ATM: variants seen among roughly 807,000 people sequenced by gnomAD.
The protein encoded by ATM is ATM serine/threonine kinase, also known as serine-protein kinase ATM.
In ATM, 308 loss-of-function variants were observed where a neutral mutation model predicts 387.0. The ratio of observed to expected loss-of-function variants is 0.80; its 90% CI spans 0.73 to 0.87. ATM has a LOEUF of 0.87. ATM is among the 40% of genes least tolerant of loss of function. The pLI, the probability that ATM is intolerant of heterozygous loss-of-function variation, is 0.00. For missense variants in ATM, 3,312 were observed against 3,560.9 expected (o/e 0.93, Z 1.78); for synonymous variants, 1,156 against 1,187.3 (o/e 0.97, Z 0.54).
At chr11:108,329,695 G>A (rs2086057512) in intron 49 of ATM, among the ~76,000 whole-genome samples, 1 of 152,218 alleles carries the variant, frequency 6.6e-6, no homozygotes, top group African/African-American at 2.4e-5. Context: ...ACAGGTGTGA[G>A]GCACTGTGCC....
At chr11:108,321,232 A>T in intron 44 of ATM, 69 bp from the exon 45 acceptor site, 1 of 1,598,868 alleles carries the variant, frequency 6.3e-7, no homozygotes, top group Non-Finnish European at 8.6e-7. Context: ...TTTAACAACA[A>T]ATTTAAACAT....
At chr11:108,287,030 G>A (rs2082528458) in intron 26 of ATM, 1 of 152,384 alleles carries the variant, frequency 6.6e-6, no homozygotes, top group Non-Finnish European at 1.5e-5. Flanking sequence ...TTAATGAAAA[G>A]TCCAAATCTG....
At chr11:108,324,374 A>G (rs1471603035) in intron 45 of ATM, among the ~76,000 whole-genome samples, 1 of 152,116 alleles carries the variant, frequency 6.6e-6, no homozygotes, top group Non-Finnish European at 1.5e-5. Flanking sequence ...TATTTATGAT[A>G]TATAGTAGAT....
At position 108,297,376 on chromosome 11, in the gene ATM, G is replaced by C. The variant is rs780137734; in HGVS notation, c.4999G>C (p.Val1667Leu). Residue 1667 changes from valine (V) to leucine (L), a missense_variant, in exon 33 of 63, where the codon GTT (valine) becomes CTT (leucine). Around this residue, in one of 4 missense-constraint regions of ATM, gnomAD observed 1,405 missense variants for 1,604.4 expected, o/e 0.88. Transcript: ENST00000675843. ...AATAAACCACACTGGTGAAAAAGAA[G>C]TTCTAGGTAAACTACAGTCATGCGC... is the stretch of plus-strand genomic sequence containing the variant. ...MAINHTGEKEVLEAVGSCLGE... is the reference protein window; with the variant it reads ...MAINHTGEKELLEAVGSCLGE... 6.2e-7 allele frequency: 1 copy of C among 1,613,414 alleles called. No individual in the cohort carries two copies. The highest frequency in any genetic ancestry group is 8.5e-7 in the Non-Finnish European group (1 of 1,179,446).
chr11:108,306,668 G>A (rs1465361772), intron 37 of ATM, among the ~76,000 whole-genome samples: 1 of 152,064 alleles, frequency 6.6e-6, no homozygotes, highest in Non-Finnish European at 1.5e-5. Flanking sequence ...ATAAAATTCT[G>A]TTATTGAAAA....
rs556778314 is a variant in ATM, at chr11:108,326,225, G to A, written c.6975G>A (p.Ala2325=). 3.6e-5 allele frequency: 58 copies of A among 1,613,700 alleles called. No homozygotes were observed. Among genetic ancestry groups the A allele is most frequent in the Admixed American group, 1.5e-4 (9 of 59,976 alleles). Residue 2325 remains alanine (A), a splice_region_variant and synonymous_variant, in exon 47 of 63, where the codon GCG becomes GCA. Coordinates refer to ENST00000675843, the MANE Select transcript of ATM (RefSeq NM_000051.4). ...AGAAGTTGGATGCCAGCTGTGCAGC[G>A]GTTTGTTTTTTTTATTGGCTGGATT... is the stretch of plus-strand genomic sequence containing the variant. The part of the protein sequence containing the change: ...MIKKLDASCA[A]NNPSLKLTYT...
chr11:108,225,832 A>G (rs2078710385), intron 1 of ATM: 1 of 152,134 alleles, frequency 6.6e-6, no homozygotes, highest in Non-Finnish European at 1.5e-5. Context: ...TTTGTAAGAG[A>G]CATTCCTTCC....
chr11:108,296,878 A>G (rs962898632), intron 32 of ATM: 9 of 258,056 alleles, frequency 3.5e-5, no homozygotes, highest in Admixed American at 2.6e-4. Flanking sequence ...AGTGTAGATT[A>G]TAGACATTTC....
In ATM at chr11:108,235,701, A is replaced by C. The variant is rs774555120; in HGVS notation, c.363A>C (p.Leu121Phe). Residue 121 changes from leucine (L) to phenylalanine (F), a missense_variant, in exon 5 of 63, where the codon TTA (leucine) becomes TTC (phenylalanine). Around this residue, in one of 4 missense-constraint regions of ATM, gnomAD observed 1,791 missense variants for 1,804.5 expected, o/e 0.99. Coordinates refer to ENST00000675843, the MANE Select transcript of ATM (RefSeq NM_000051.4). The part of the protein sequence containing the change: ...RAPRLKCQEL[L>F]NYIMDTVKDS... ...CTAGGCTAAAATGTCAAGAACTCTT[A>C]AATTATATCATGGATACAGTGAAAG... 2 of 1,611,846 alleles carry C rather than the reference A, an allele frequency of 1.2e-6. No homozygotes were observed. The highest frequency in any genetic ancestry group is 1.7e-6 in the Non-Finnish European group (2 of 1,178,274).
intron 38 of ATM, among the ~76,000 whole-genome samples, chr11:108,309,374 G>C (rs945386694): frequency 3.3e-5 from 5 of 152,296 alleles, no homozygotes; most frequent in Middle Eastern, 3.4e-3. Flanking sequence ...AGTAGGGTGT[G>C]CCTTATTCAT....
chr11:108,298,994 T>C (rs2083269110), intron 33 of ATM, among the ~76,000 whole-genome samples: 1 of 152,192 alleles, frequency 6.6e-6, no homozygotes, highest in Admixed American at 6.5e-5. Context: ...GTGAAAAACT[T>C]ATATACATTC....
intron 5 of ATM, 43 bp downstream of exon 5, chr11:108,235,877 A>G (rs1160514985): frequency 3.1e-6 from 5 of 1,605,510 alleles, no homozygotes; most frequent in East Asian, 4.5e-5. Flanking sequence ...TCCTCATGAA[A>G]TGAAACTTCA....
At chr11:108,311,804 T>TA (rs2084186441) in intron 39 of ATM, among the ~76,000 whole-genome samples, 1 of 152,206 alleles carries the variant, frequency 6.6e-6, no homozygotes, top group Non-Finnish European at 1.5e-5. Flanking sequence ...TTATTACTGT[T>TA]ATAGACACCA....
At chr11:108,266,337 G>C (rs1213394689) in intron 16 of ATM, among the ~76,000 whole-genome samples, 1 of 151,928 alleles carries the variant, frequency 6.6e-6, no homozygotes, top group South Asian at 2.1e-4. Flanking sequence ...CTTTGTTAGG[G>C]ACATGGATGA....
intron 4 of ATM, among the ~76,000 whole-genome samples, chr11:108,233,241 G>A (rs1396658351): frequency 1.3e-5 from 2 of 152,124 alleles, no homozygotes; most frequent in African/African-American, 4.8e-5. Flanking sequence ...ACTCAGCTGC[G>A]AAAAATGTTA....
rs56000155 is a variant in ATM, at chr11:108,353,662, G to A, written c.8672-104G>A. 3,747 of 892,562 alleles carry A rather than the reference G, an allele frequency of 4.2e-3. 78 individuals are homozygous for A. In the African/African-American group the frequency reaches 0.048, roughly 12 times the overall value. 55.3% of individuals were successfully genotyped at this position (892,562 alleles called of 1,614,324 possible). On this transcript the variant is annotated intron_variant, in intron 59 of 62. Coordinates refer to ENST00000675843, the MANE Select transcript of ATM (RefSeq NM_000051.4). ...CTGTACATACTAGTGTTCATAGAAC[G>A]TAGGTAACATGTGGTTTCTTGCCTT...
rs2091385444 is a variant in ATM, at chr11:108,367,329, T to C, written c.*1821T>C. On this transcript the variant is annotated 3_prime_UTR_variant, in exon 63 of 63. Coordinates refer to ENST00000675843, the MANE Select transcript of ATM (RefSeq NM_000051.4). ...GACCGTAAGGATTTCCCCTTTCTTG[T>C]AAGTTCTGCTATGTATTTAAAAGAA... 5.4e-6 allele frequency: 1 copy of C among 184,012 alleles called. No homozygotes were observed. Among genetic ancestry groups the C allele is most frequent in the African/African-American group, 2.3e-5 (1 of 42,572 alleles). The allele number at this position is 184,012 out of a possible 1,614,324, so 11.4% of individuals were successfully genotyped here. A position where few individuals can be genotyped will look rare whatever the true frequency, so the allele number is the denominator to read the frequency against.
chr11:108,319,317 ATTC>A (rs2085017290), intron 43 of ATM, among the ~76,000 whole-genome samples: 1 of 152,048 alleles, frequency 6.6e-6, no homozygotes, highest in African/African-American at 2.4e-5. Context: ...AATATATACT[ATTC>A]TTCTCCTTCC....
Position 108,267,195 on chromosome 11 carries a change from G to A in ATM, c.2491G>A (p.Asp831Asn), listed in dbSNP as rs1060501595. 1 of 1,614,052 alleles carries A rather than the reference G, an allele frequency of 6.2e-7. No homozygotes were observed. The highest frequency in any genetic ancestry group is 8.5e-7 in the Non-Finnish European group (1 of 1,180,004). ...SLASFIKKPFDRGEVESMEDD... is the reference protein window; with the variant it reads ...SLASFIKKPFNRGEVESMEDD... ...GGCATCCTTCATCAAAAAGCCATTT[G>A]ACCGTGGAGAAGTAGAATCAATGGA... Residue 831 changes from aspartate to asparagine, a missense_variant, in exon 17 of 63, where the codon GAC (aspartate) becomes AAC (asparagine). Coordinates refer to ENST00000675843, the MANE Select transcript of ATM (RefSeq NM_000051.4).
Sources: allele counts gnomAD v4.1 joint callset (sites outside exome capture counted in the v4.1 genomes callset), GRCh38; gene constraint gnomAD v4.1.1; regional missense constraint gnomAD v4.1.1; transcripts MANE v1.5; gene names NCBI Gene and HGNC (gene_info 2026-07-23, HGNC 2026-07-21).